Variants in PCTP observed in about 807,000 individuals in gnomAD.
PCTP encodes START domain-containing protein 2.
In PCTP, 27 loss-of-function variants were observed where a neutral mutation model predicts 31.0. The ratio of observed to expected loss-of-function variants is 0.87; its 90% CI spans 0.64 to 1.20. PCTP has a LOEUF of 1.20. Ranked by LOEUF, PCTP falls within the 50% of genes most tolerant of loss-of-function variation. The pLI is 0.00. For synonymous variants in PCTP, 108 were observed against 101.2 expected (o/e 1.07, Z -0.40); for missense variants, 287 against 268.2 (o/e 1.07, Z -0.49).
rs1056288301 is a variant in PCTP at position 55,813,845 on chromosome 17, C to A, written c.318-8916C>A. ...ATCTCTTGAGCCCAGGAGTTCAAGA[C>A]CAGCCTGGACAATATAGTGAGACCT... On this transcript the variant is annotated intron_variant, in intron 3 of 3. Transcript: ENST00000572536. Among the ~76,000 whole-genome samples, 6 of 152,052 alleles carry A rather than the reference C, an allele frequency of 3.9e-5. 1 individual carries two copies. Among genetic ancestry groups the A allele is most frequent in the Non-Finnish European group, 2.9e-5 (2 of 68,008 alleles).
In PCTP at chr17:55,776,119, T is replaced by C. The variant is rs1423367723; in HGVS notation, c.*19T>C. On this transcript the variant is annotated 3_prime_UTR_variant, in exon 6 of 6. Transcript: ENST00000268896. ...AACCTAAGAAAGAGAACTGGGAACATTGCATCCATGGGTTGATGTCTCTGG... is the reference window on the plus strand; with the variant it reads ...AACCTAAGAAAGAGAACTGGGAACACTGCATCCATGGGTTGATGTCTCTGG... The C allele has an allele frequency of 1.9e-6, 3 of 1,613,688 alleles. No individual in the cohort carries two copies. In the South Asian group the frequency reaches 3.3e-5, roughly 18 times the overall value.
intron 3 of PCTP, among the ~76,000 whole-genome samples, chr17:55,805,353 C>G (rs1222454093): frequency 6.6e-6 from 1 of 151,960 alleles, no homozygotes; most frequent in African/African-American, 2.4e-5. Context: ...CAACCTTGTC[C>G]TCCTTCCCAC....
chr17:55,814,106 C>G (rs1056320523), intron 3 of PCTP, among the ~76,000 whole-genome samples: 2 of 151,480 alleles, frequency 1.3e-5, no homozygotes, highest in African/African-American at 4.9e-5. Context: ...GCGTCGATTA[C>G]AAAGCCTATT....
chr17:55,844,735 G>A (rs145712579), downstream of PCTP, among the ~76,000 whole-genome samples: 893 of 152,186 alleles, frequency 5.9e-3, 8 homozygotes, highest in African/African-American at 0.021. Context: ...CTCTGTCCTT[G>A]TCCTCTGTAA....
intron 3 of PCTP, among the ~76,000 whole-genome samples, chr17:55,814,416 C>G (rs1912848839): frequency 6.6e-6 from 1 of 152,260 alleles, no homozygotes; most frequent in Non-Finnish European, 1.5e-5. Flanking sequence ...TGACAAACAG[C>G]TCTGCCCTCC....
chr17:55,775,510 T>C (rs1036113563), intron 5 of PCTP: 5 of 1,191,312 alleles, frequency 4.2e-6, no homozygotes, highest in Non-Finnish European at 5.2e-6. Flanking sequence ...TCTTGTTTTA[T>C]TTAAGGAAGC....
At position 55,792,219 on chromosome 17, in the gene PCTP, G is replaced by A. The variant is rs533591950; in HGVS notation, c.317+4565G>A. Among the ~76,000 whole-genome samples, 1,010 of 149,814 alleles carry A rather than the reference G, an allele frequency of 6.7e-3. 3 individuals carry two copies. The highest frequency in any genetic ancestry group is 0.013 in the South Asian group (59 of 4,700). ...ATACCTAATGCTAGATGACGAGTTA[G>A]TGGGTGCAGCACACCAGCATGGCAC... On this transcript the variant is annotated intron_variant, in intron 3 of 3. Coordinates refer to the PCTP transcript ENST00000572536.
At chr17:55,775,881 A>T in intron 5 of PCTP, 154 bp from the exon 6 acceptor site, 1 of 1,391,120 alleles carries the variant, frequency 7.2e-7, no homozygotes, top group Non-Finnish European at 9.3e-7. Flanking sequence ...ACTTTTTGTC[A>T]TCATCTGCAA....
At chr17:55,842,088 A>C (rs1300225369) in intron 5 of PCTP, among the ~76,000 whole-genome samples, 1 of 152,198 alleles carries the variant, frequency 6.6e-6, no homozygotes, top group Non-Finnish European at 1.5e-5. Flanking sequence ...TCAATGAATA[A>C]AAAAAGAAAA....
intron 3 of PCTP, among the ~76,000 whole-genome samples, chr17:55,812,735 A>G (rs1912792482): frequency 6.6e-6 from 1 of 152,248 alleles, no homozygotes; most frequent in South Asian, 2.1e-4. Flanking sequence ...GCTTGGAGCC[A>G]GGATGTCCAG....
intron 5 of PCTP, chr17:55,775,198 T>A: frequency 2.4e-6 from 3 of 1,272,570 alleles, no homozygotes; most frequent in Non-Finnish European, 2.0e-6. Context: ...CTCTGCTTAC[T>A]GGGGAATAAG....
chr17:55,774,516 G>T (rs1268692429), intron 4 of PCTP, among the ~76,000 whole-genome samples: 1 of 152,144 alleles, frequency 6.6e-6, no homozygotes, highest in African/African-American at 2.4e-5. Context: ...CCTTAGGATT[G>T]CTAGAATAAT....
At chr17:55,801,107 G>A (rs1912361900) in intron 3 of PCTP, among the ~76,000 whole-genome samples, 2 of 152,036 alleles carry the variant, frequency 1.3e-5, no homozygotes, top group Admixed American at 1.3e-4. Flanking sequence ...CAGGGATCAG[G>A]GACCTACTTG....
At chr17:55,759,910 G>A (rs1215470479) in intron 1 of PCTP, among the ~76,000 whole-genome samples, 4 of 152,176 alleles carry the variant, frequency 2.6e-5, no homozygotes, top group African/African-American at 9.7e-5. Context: ...AGTTTATTCT[G>A]TTTGGGACAA....
At chr17:55,827,804 G>A (rs528849491), downstream of PCTP, among the ~76,000 whole-genome samples, 9 of 152,246 alleles carry the variant, frequency 5.9e-5, no homozygotes, top group South Asian at 2.1e-4. Flanking sequence ...TAAGGGAAGC[G>A]CTGAGAAAAC....
intron 3 of PCTP, among the ~76,000 whole-genome samples, chr17:55,808,971 C>A (rs780651142): frequency 8.6e-5 from 13 of 151,904 alleles, no homozygotes; most frequent in Non-Finnish European, 1.5e-4. Context: ...TCTGGTGAGG[C>A]AATGGTGTTC....
intron 3 of PCTP, among the ~76,000 whole-genome samples, chr17:55,803,056 A>G (rs1029438706): frequency 1.3e-5 from 2 of 152,234 alleles, no homozygotes; most frequent in Non-Finnish European, 2.9e-5. Context: ...GCATTCCTGT[A>G]CAACAATAAT....
At chr17:55,799,327 T>C (rs1912291995) in intron 3 of PCTP, among the ~76,000 whole-genome samples, 1 of 151,930 alleles carries the variant, frequency 6.6e-6, no homozygotes, top group Non-Finnish European at 1.5e-5. Flanking sequence ...CTTTTTCATC[T>C]TTGTTGGTTT....
At chr17:55,751,388 C>CA (rs1567707800) in intron 1 of PCTP, 144 bp downstream of exon 1, 2 of 1,533,670 alleles carry the variant, frequency 1.3e-6, no homozygotes, top group Non-Finnish European at 1.7e-6. Flanking sequence ...GACCCTGTCT[C>CA]AAGCTCTGGA....
Sources: gnomAD v4.1 joint callset for allele counts (sites outside exome capture counted in the v4.1 genomes callset) on GRCh38, gnomAD v4.1.1 for gene constraint, MANE v1.5 for transcripts, NCBI Gene and HGNC (gene_info 2026-07-23, HGNC 2026-07-21) for gene names.